Variants in ANTXR2 observed in about 807,000 individuals in gnomAD.
ANTXR2 encodes ANTXR cell adhesion molecule 2.
In ANTXR2, 44 loss-of-function variants were observed where a neutral mutation model predicts 73.7. That is an observed-to-expected ratio of 0.60 (90% CI 0.47 to 0.77). The LOEUF (loss-of-function observed/expected upper bound fraction) is 0.77. Ranked by LOEUF, ANTXR2 falls within the 30% of genes least tolerant of loss-of-function variation. The pLI is 0.00. For missense variants in ANTXR2, 604 were observed against 592.5 expected (o/e 1.02, Z -0.20); for synonymous variants, 217 against 205.9 (o/e 1.05, Z -0.46).
At chr4:79,910,481 C>A (rs1161941704) in intron 16 of ANTXR2, among the ~76,000 whole-genome samples, 2 of 138,640 alleles carry the variant, frequency 1.4e-5, no homozygotes, top group Non-Finnish European at 3.0e-5. Context: ...TGCACTCCAG[C>A]CTAGTGACAG....
chr4:80,071,000 T>C (rs1294799391), intron 2 of ANTXR2, among the ~76,000 whole-genome samples: 3 of 152,194 alleles, frequency 2.0e-5, no homozygotes, highest in Admixed American at 2.0e-4. Context: ...AGTAATGCTT[T>C]TTATAGGAGA....
intron 7 of ANTXR2, among the ~76,000 whole-genome samples, chr4:80,042,298 C>A (rs1414205456): frequency 1.3e-5 from 2 of 152,004 alleles, no homozygotes; most frequent in Non-Finnish European, 2.9e-5. Context: ...GTTATATGAT[C>A]TTAGAACACA....
intron 16 of ANTXR2, among the ~76,000 whole-genome samples, chr4:79,950,406 A>G (rs977606115): frequency 3.9e-5 from 6 of 152,180 alleles, no homozygotes; most frequent in Non-Finnish European, 7.3e-5. Flanking sequence ...CAGTGGCTAC[A>G]AAAGTGTATC....
chr4:79,933,696 C>T (rs1487765362), intron 16 of ANTXR2, among the ~76,000 whole-genome samples: 2 of 128,954 alleles, frequency 1.6e-5, no homozygotes, highest in African/African-American at 5.9e-5. Context: ...TGCTATCCCT[C>T]CACCCTCCCC....
intron 3 of ANTXR2, among the ~76,000 whole-genome samples, chr4:80,065,274 C>G (rs1362167796): frequency 6.6e-6 from 1 of 152,136 alleles, no homozygotes; most frequent in African/African-American, 2.4e-5. Flanking sequence ...TCCAAATTCT[C>G]TACTGTTGAA....
intron 16 of ANTXR2, among the ~76,000 whole-genome samples, chr4:79,951,525 A>T (rs775910881): frequency 1.2e-4 from 19 of 152,050 alleles, no homozygotes; most frequent in Non-Finnish European, 2.4e-4. Context: ...GCAGTGAGCC[A>T]AGATAGCGCC....
chr4:79,964,167 A>G (rs1349996920), intron 16 of ANTXR2, among the ~76,000 whole-genome samples: 1 of 152,176 alleles, frequency 6.6e-6, no homozygotes, highest in Non-Finnish European at 1.5e-5. Flanking sequence ...GTGAGGAGAG[A>G]CTGCCTTCTG....
At chr4:79,917,218 A>G (rs1374573777) in intron 16 of ANTXR2, among the ~76,000 whole-genome samples, 1 of 152,162 alleles carries the variant, frequency 6.6e-6, no homozygotes, top group Non-Finnish European at 1.5e-5. Context: ...GGAGAAAGGC[A>G]AGAGGGTAGA....
chr4:80,022,149 T>C (rs1732195284), intron 10 of ANTXR2, among the ~76,000 whole-genome samples: 1 of 152,230 alleles, frequency 6.6e-6, no homozygotes, highest in South Asian at 2.1e-4. Context: ...TTTAGCATCT[T>C]ATATTTAAAT....
intron 11 of ANTXR2, among the ~76,000 whole-genome samples, chr4:80,011,235 T>C (rs548260775): frequency 2.8e-4 from 43 of 152,026 alleles, no homozygotes; most frequent in Non-Finnish European, 5.3e-4. Flanking sequence ...CCAAACATGA[T>C]GGGAAAAGCG....
chr4:79,907,601 A>C, intron 16 of ANTXR2, 134 bp from the exon 17 acceptor site: 1 of 961,184 alleles, frequency 1.0e-6, no homozygotes, highest in African/African-American at 1.7e-5. Context: ...ACATGAAGTC[A>C]TAATTTTTTT....
rs574846462 is a variant in ANTXR2, at chr4:80,061,963, C to T, written c.297-5950G>A. On this transcript the variant is annotated intron_variant, in intron 3 of 16. Transcript: ENST00000403729. ...CAAGTAATTTGTTCTCACCAAGTTC[C>T]TCAATTTAAAAATTGTTTAAAGGTT... 2.6e-5 allele frequency among the ~76,000 whole-genome samples: 4 copies of T among 152,250 alleles called. No homozygotes were observed. The East Asian group carries it at 5.8e-4, about 22-fold the overall frequency.
At chr4:79,988,626 A>G (rs182761442) in intron 12 of ANTXR2, among the ~76,000 whole-genome samples, 2 of 152,182 alleles carry the variant, frequency 1.3e-5, no homozygotes, top group Non-Finnish European at 2.9e-5. Context: ...TTGAGACCTA[A>G]CCTCAGCACT....
At chr4:79,954,233 A>G (rs1488177803) in intron 16 of ANTXR2, among the ~76,000 whole-genome samples, 5 of 152,114 alleles carry the variant, frequency 3.3e-5, no homozygotes, top group Non-Finnish European at 5.9e-5. Flanking sequence ...GGGTCACTGC[A>G]GCCTCAATCT....
chr4:80,064,619 G>A (rs1734415194), intron 3 of ANTXR2, among the ~76,000 whole-genome samples: 1 of 152,178 alleles, frequency 6.6e-6, no homozygotes, highest in Non-Finnish European at 1.5e-5. Flanking sequence ...GAGGAGAGGT[G>A]GGGTTCCTTT....
intron 3 of ANTXR2, among the ~76,000 whole-genome samples, chr4:80,060,223 A>C (rs968856135): frequency 3.3e-5 from 5 of 152,096 alleles, no homozygotes; most frequent in Non-Finnish European, 7.4e-5. Flanking sequence ...CTGGCTGTAC[A>C]CTGGAATCAT....
At chr4:79,982,668 A>G (rs1729940243) in intron 14 of ANTXR2, among the ~76,000 whole-genome samples, 1 of 152,170 alleles carries the variant, frequency 6.6e-6, no homozygotes, top group African/African-American at 2.4e-5. Context: ...AAATACATGC[A>G]ATAACTTCTC....
intron 1 of ANTXR2, 72 bp downstream of exon 1, chr4:80,072,337 A>AT: frequency 2.7e-6 from 4 of 1,458,056 alleles, no homozygotes; most frequent in Non-Finnish European, 3.6e-6. Flanking sequence ...GCGCACACGC[A>AT]TCTCAGCCTC....
intron 11 of ANTXR2, among the ~76,000 whole-genome samples, chr4:80,010,975 A>C (rs1013886679): frequency 6.6e-6 from 1 of 151,770 alleles, no homozygotes; most frequent in Non-Finnish European, 1.5e-5. Context: ...GTGAAACCCC[A>C]TCTCTACTAA....
Sources: gnomAD v4.1 joint callset for allele counts (sites outside exome capture counted in the v4.1 genomes callset) on GRCh38, gnomAD v4.1.1 for gene constraint, MANE v1.5 for transcripts, NCBI Gene and HGNC (gene_info 2026-07-23, HGNC 2026-07-21) for gene names.